The following PLCG2 variants were observed in gnomAD, a reference collection of about 807,000 sequenced individuals.
The protein encoded by PLCG2 is phospholipase C gamma 2, also known as 1-phosphatidylinositol 4,5-bisphosphate phosphodiesterase gamma-2.
Under a neutral mutation model 175.6 loss-of-function variants are expected in PLCG2, and 69 were observed. That is an observed-to-expected ratio of 0.39 (90% confidence interval 0.32 to 0.48). PLCG2 has a LOEUF of 0.48. Among genes scored for constraint, PLCG2 ranks in the 20% least tolerant of loss-of-function variants. The pLI is 0.91. For missense variants in PLCG2, 1,798 were observed against 1,650.9 expected (o/e 1.09, Z -1.54); for synonymous variants, 827 against 624.0 (o/e 1.33, Z -4.85).
At chr16:81,847,303 A>T (rs939103295) in intron 2 of PLCG2, among the ~76,000 whole-genome samples, 12 of 152,216 alleles carry the variant, frequency 7.9e-5, no homozygotes, top group African/African-American at 2.9e-4. Flanking sequence ...GTGTTTAGCA[A>T]CCAAGAAGCT....
At chr16:81,814,383 C>T (rs907679040) in intron 2 of PLCG2, among the ~76,000 whole-genome samples, 6 of 151,966 alleles carry the variant, frequency 3.9e-5, no homozygotes, top group South Asian at 2.1e-4. Context: ...GGGGTGTAGC[C>T]GGGATTGGAT....
At chr16:81,922,575 C>A (rs906319029) in intron 21 of PLCG2, among the ~76,000 whole-genome samples, 1 of 152,174 alleles carries the variant, frequency 6.6e-6, no homozygotes, top group African/African-American at 2.4e-5. Context: ...GACGGGGGAA[C>A]TGAGGATCAG....
In PLCG2 at chr16:81,926,971, C is replaced by G. The variant is rs545091358; in HGVS notation, c.2418-111C>G. 3,049 of 717,722 alleles carry G rather than the reference C, an allele frequency of 4.2e-3. 27 individuals are homozygous for G. The highest frequency in any genetic ancestry group is 0.026 in the Middle Eastern group (73 of 2,858). The allele number at this position is 717,722 out of a possible 1,614,324, so 44.5% of individuals were successfully genotyped here. ...GATAGTGACACTGGTCACTTGGCCA[C>G]TTGCTGTCTGTCCCCATCAGAATTG... On this transcript the variant is annotated intron_variant, in intron 22 of 32. Coordinates refer to ENST00000564138, the MANE Select transcript of PLCG2 (RefSeq NM_002661.5).
chr16:81,950,831 C>T (rs1043603375), intron 31 of PLCG2, among the ~76,000 whole-genome samples: 15 of 152,096 alleles, frequency 9.9e-5, no homozygotes, highest in Non-Finnish European at 1.8e-4. Flanking sequence ...TAAAACTTCA[C>T]AAAGAATGAA....
chr16:81,808,598 A>G (rs1302287012), intron 2 of PLCG2, among the ~76,000 whole-genome samples: 1 of 152,058 alleles, frequency 6.6e-6, no homozygotes, highest in Non-Finnish European at 1.5e-5. Flanking sequence ...GATTCAAGCC[A>G]TTCTCCTGTC....
chr16:81,774,037 A>G (rs1172975484), intron 2 of PLCG2, among the ~76,000 whole-genome samples: 1 of 151,992 alleles, frequency 6.6e-6, no homozygotes, highest in Non-Finnish European at 1.5e-5. Flanking sequence ...GAGGTGCTCA[A>G]AGCAAAACCA....
At chr16:81,883,089 G>T (rs1055210578) in intron 8 of PLCG2, among the ~76,000 whole-genome samples, 180 bp from the exon 9 acceptor site, 2 of 152,106 alleles carry the variant, frequency 1.3e-5, no homozygotes, top group African/African-American at 4.8e-5. Context: ...CTGAATCCTT[G>T]TAGGTGAGGG....
At chr16:81,793,953 C>T (rs541573498) in intron 2 of PLCG2, among the ~76,000 whole-genome samples, 1 of 152,338 alleles carries the variant, frequency 6.6e-6, no homozygotes, top group Non-Finnish European at 1.5e-5. Flanking sequence ...CCTAAATGAT[C>T]TCAAAGACGT....
chr16:81,805,992 G>A (rs1399594380), intron 2 of PLCG2, among the ~76,000 whole-genome samples: 5 of 151,590 alleles, frequency 3.3e-5, no homozygotes, highest in Admixed American at 3.3e-4. Context: ...GTAAAAAGAG[G>A]TGAAACTAAC....
At chr16:81,874,019 G>T (rs1358230621) in intron 7 of PLCG2, among the ~76,000 whole-genome samples, 1 of 152,150 alleles carries the variant, frequency 6.6e-6, no homozygotes, top group Non-Finnish European at 1.5e-5. Context: ...TGCCCCGTGT[G>T]GAACTTTGTA....
At chr16:81,855,248 G>C (rs1181806315) in intron 3 of PLCG2, among the ~76,000 whole-genome samples, 1 of 151,468 alleles carries the variant, frequency 6.6e-6, no homozygotes, top group Non-Finnish European at 1.5e-5. Flanking sequence ...TCTTCCAGCA[G>C]ATGTGGCTCA....
intron 2 of PLCG2, among the ~76,000 whole-genome samples, chr16:81,847,644 G>T (rs1906195324): frequency 6.6e-6 from 1 of 152,116 alleles, no homozygotes; most frequent in South Asian, 2.1e-4. Flanking sequence ...TGCGTCTGCG[G>T]ATTTAAGCTA....
chr16:81,946,329 C>G, intron 31 of PLCG2, 66 bp downstream of exon 31: 1 of 1,136,126 alleles, frequency 8.8e-7, no homozygotes, highest in East Asian at 2.4e-5. Flanking sequence ...AGAAACGGCC[C>G]GTGAATACAA....
chr16:81,817,172 A>G (rs4243216), intron 2 of PLCG2, among the ~76,000 whole-genome samples: 99,212 of 152,008 alleles, frequency 0.65, 32,942 homozygotes, highest in East Asian at 0.91. Flanking sequence ...GGAAGAGCGC[A>G]CATGATGGGT....
At chr16:81,794,396 T>A (rs1395244678) in intron 2 of PLCG2, among the ~76,000 whole-genome samples, 1 of 152,188 alleles carries the variant, frequency 6.6e-6, no homozygotes, top group Non-Finnish European at 1.5e-5. Context: ...TAAGAAGAAA[T>A]CCATTGTCTG....
intron 25 of PLCG2, among the ~76,000 whole-genome samples, chr16:81,932,897 A>AG (rs1910562546): frequency 1.3e-5 from 2 of 152,326 alleles, no homozygotes; most frequent in South Asian, 4.2e-4. Flanking sequence ...TTTCCCAGTG[A>AG]AACCATCTCT....
At chr16:81,785,232 C>T (rs1388419324) in intron 1 of PLCG2, among the ~76,000 whole-genome samples, 8 of 152,136 alleles carry the variant, frequency 5.3e-5, no homozygotes, top group Admixed American at 4.6e-4. Flanking sequence ...TCAAGGACAC[C>T]TCCTAGGTGC....
chr16:81,938,549 C>T (rs1489002922), intron 28 of PLCG2: 1 of 527,756 alleles, frequency 1.9e-6, no homozygotes, highest in Non-Finnish European at 3.4e-6. Context: ...TTCATGAGCT[C>T]AGGTGAGTTT....
At chr16:81,931,172 T>C (rs1439127219) in intron 24 of PLCG2, 3 of 179,376 alleles carry the variant, frequency 1.7e-5, no homozygotes, top group African/African-American at 7.0e-5. Flanking sequence ...ACTTGTTGGA[T>C]GTTGGAATTG....
Sources: gnomAD v4.1 joint callset for allele counts (sites outside exome capture counted in the v4.1 genomes callset) on GRCh38, gnomAD v4.1.1 for gene constraint, MANE v1.5 for transcripts, NCBI Gene and HGNC (gene_info 2026-07-23, HGNC 2026-07-21) for gene names.